Variants in ITGA11 observed in about 807,000 individuals in gnomAD.
ITGA11 encodes integrin subunit alpha 11, also known as integrin alpha-11.
Under a neutral mutation model 141.9 loss-of-function variants are expected in ITGA11, and 97 were observed. The ratio of observed to expected loss-of-function variants is 0.68; its 90% CI spans 0.58 to 0.81. The LOEUF is 0.81. ITGA11 is among the 30% of genes least tolerant of loss of function. The pLI is 0.00. For synonymous variants in ITGA11, 658 were observed against 624.6 expected, an observed-to-expected ratio of 1.05 and a Z score of -0.80; for missense variants, 1,387 against 1,559.2, an observed-to-expected ratio of 0.89 and a Z score of 1.86.
intron 6 of ITGA11, among the ~76,000 whole-genome samples, chr15:68,357,900 A>G (rs1895119716): frequency 6.6e-6 from 1 of 152,198 alleles, no homozygotes; most frequent in Non-Finnish European, 1.5e-5. Context: ...TGGGGAACTC[A>G]TTACTTCATG....
intron 2 of ITGA11, among the ~76,000 whole-genome samples, chr15:68,395,448 G>T (rs1407943096): frequency 2.0e-5 from 3 of 151,342 alleles, no homozygotes; most frequent in Admixed American, 6.6e-5. Flanking sequence ...TTAGATGAGA[G>T]GCTAACTAGA....
chr15:68,361,151 C>T (rs569258272), intron 5 of ITGA11, among the ~76,000 whole-genome samples: 3 of 152,148 alleles, frequency 2.0e-5, no homozygotes, highest in Non-Finnish European at 4.4e-5. Context: ...GAACTACTAC[C>T]AAGGAGATTT....
In ITGA11 at chr15:68,304,788, A is replaced by C. The variant is rs1006344092; in HGVS notation, c.3382-903T>G. ...CTCCGCGCTGCTCAGGCCAGAAGCC[A>C]TGTATCCATCACTGACCCTAACTCT... On this transcript the variant is annotated intron_variant, in intron 28 of 29. Transcript: ENST00000315757. This position sits in a 1 kb window ranked among gnomAD's most constrained non-coding sequence, Gnocchi z 6.1. Among the ~76,000 whole-genome samples, 17 of 152,184 alleles carry C rather than the reference A, an allele frequency of 1.1e-4. No homozygotes were observed. The highest frequency in any genetic ancestry group is 1.9e-4 in the Non-Finnish European group (13 of 68,032).
In ITGA11 at chr15:68,364,736, C is replaced by T. The variant is rs199683877; in HGVS notation, c.328G>A (p.Ala110Thr). The change falls in exon 4 of 30, where the codon GCC becomes ACC. Residue 110 changes from alanine to threonine, a missense_variant. Transcript: ENST00000315757. The stretch of plus-strand genomic sequence containing the variant: ...AAGCTGTTGTCCTTGGGGTTGGTGG[C>T]GAGACTAAGGCCGAGGCGCATGTTG... ...KDNMRLGLSL[A>T]TNPKDNSFLA... is the part of the protein sequence containing the mutation. 163 of 1,521,702 alleles carry T rather than the reference C, an allele frequency of 1.1e-4. No homozygotes were observed. The highest frequency in any genetic ancestry group is 5.4e-4 in the Middle Eastern group (3 of 5,568). 94.3% of individuals were successfully genotyped at this position (1,521,702 alleles called of 1,614,324 possible).
At position 68,325,309 on chromosome 15, in the gene ITGA11, A is replaced by T. The variant is rs1418692129; in HGVS notation, c.2212-68T>A. 1.2e-5 allele frequency: 13 copies of T among 1,077,264 alleles called. No individual in the cohort carries two copies. In the East Asian group the frequency reaches 3.1e-4, roughly 26 times the overall value. The allele number at this position is 1,077,264 out of a possible 1,614,324, so 66.7% of individuals were successfully genotyped here. On this transcript the variant is annotated intron_variant, in intron 17 of 29. Transcript: ENST00000315757. This position sits in a 1 kb window ranked among gnomAD's most constrained non-coding sequence, Gnocchi z 5.5. Reference sequence around the variant, plus strand: ...GTCATTTTATGAGCCAGGACCGTGGATGCTGAGATAGAACTTCCACCTTCC... The same window carrying T: ...GTCATTTTATGAGCCAGGACCGTGGTTGCTGAGATAGAACTTCCACCTTCC...
chr15:68,341,987 C>A (rs993320505), intron 10 of ITGA11, among the ~76,000 whole-genome samples: 10 of 152,156 alleles, frequency 6.6e-5, no homozygotes, highest in Non-Finnish European at 1.2e-4. Flanking sequence ...AGTGGGAGGC[C>A]CTTTCCTGAG....
intron 7 of ITGA11, among the ~76,000 whole-genome samples, chr15:68,353,351 C>A (rs79428310): frequency 0.035 from 5,338 of 152,196 alleles, 322 homozygotes; most frequent in African/African-American, 0.12. Context: ...GAGGCACGTG[C>A]CACATGACGA....
At chr15:68,369,338 C>T (rs1250992563) in intron 2 of ITGA11, 54 bp from the exon 3 acceptor site, 1 of 987,074 alleles carries the variant, frequency 1.0e-6, no homozygotes, top group South Asian at 1.3e-5. Context: ...TCTTTCCTGG[C>T]AGAGGATGGA....
intron 1 of ITGA11, among the ~76,000 whole-genome samples, chr15:68,421,510 G>A (rs952970214): frequency 2.0e-5 from 3 of 152,300 alleles, no homozygotes; most frequent in Admixed American, 6.5e-5. Context: ...CTGCTGGGTG[G>A]GAGAGCCTCA....
chr15:68,342,256 C>T (rs993640997), intron 10 of ITGA11, among the ~76,000 whole-genome samples: 6 of 152,224 alleles, frequency 3.9e-5, no homozygotes, highest in South Asian at 4.1e-4. Flanking sequence ...CTGTGTCCCC[C>T]GCTCTGCAGG....
chr15:68,312,729 A>T lies in ITGA11; in HGVS notation c.2973+44T>A, dbSNP rs4776394. The T allele has an allele frequency of 2.8e-4, 397 of 1,443,412 alleles. 1 individual carries two copies. The highest frequency in any genetic ancestry group is 1.0e-3 in the Middle Eastern group (5 of 4,862). 89.4% of individuals were successfully genotyped at this position (1,443,412 alleles called of 1,614,324 possible). ...CCTCCCCTCCAGGATGGGGGTGCTCAGATCCCGTCCTTCCCCCTCTACCCG... is the reference window on the plus strand; with the variant it reads ...CCTCCCCTCCAGGATGGGGGTGCTCTGATCCCGTCCTTCCCCCTCTACCCG... On this transcript the variant is annotated intron_variant, in intron 24 of 29. Transcript: ENST00000315757.
intron 2 of ITGA11, among the ~76,000 whole-genome samples, chr15:68,378,595 A>G (rs1308996959): frequency 6.6e-6 from 1 of 152,208 alleles, no homozygotes; most frequent in African/African-American, 2.4e-5. Flanking sequence ...GTAAGCTATG[A>G]TCATGCCACT....
At chr15:68,334,601 A>T (rs1200939571) in intron 12 of ITGA11, among the ~76,000 whole-genome samples, 1 of 150,716 alleles carries the variant, frequency 6.6e-6, no homozygotes, top group Non-Finnish European at 1.5e-5. Flanking sequence ...GAGGGAAGAG[A>T]TGTGCCTACA....
At chr15:68,382,702 CT>C (rs1339901664) in intron 2 of ITGA11, among the ~76,000 whole-genome samples, 4 of 152,198 alleles carry the variant, frequency 2.6e-5, no homozygotes, top group African/African-American at 9.7e-5. Flanking sequence ...TTCTTCTTTC[CT>C]TTTCCCATTC....
intron 5 of ITGA11, among the ~76,000 whole-genome samples, chr15:68,360,249 G>A (rs1895198192): frequency 6.6e-6 from 1 of 152,134 alleles, no homozygotes; most frequent in Non-Finnish European, 1.5e-5. Flanking sequence ...CAGCAGTGGG[G>A]GTGACCAAGA....
intron 2 of ITGA11, among the ~76,000 whole-genome samples, chr15:68,389,783 G>A (rs1896072011): frequency 6.6e-6 from 1 of 152,166 alleles, no homozygotes; most frequent in Non-Finnish European, 1.5e-5. Flanking sequence ...CTTGCTGAGA[G>A]CTGAGGCTTC....
At chr15:68,411,007 C>T (rs776060909) in intron 1 of ITGA11, among the ~76,000 whole-genome samples, 6 of 152,210 alleles carry the variant, frequency 3.9e-5, no homozygotes, top group Non-Finnish European at 5.9e-5. Context: ...TGTGCGGTTC[C>T]GCCCCCATGG....
rs562286619 is a variant in ITGA11, at chr15:68,339,575, C to T, written c.1201G>A (p.Gly401Arg). ...GACTCGCGGAGAGGAATGACCTTCC[C>T]GGCACTCGTCTCCTTTAGCACAGCT... is the stretch of plus-strand genomic sequence containing the variant. ...NGAVLKETSAGKVIPLRESYL... is the reference protein window; with the variant it reads ...NGAVLKETSARKVIPLRESYL... The change falls in exon 11 of 30, where the codon GGG (glycine) becomes AGG (arginine). Residue 401 changes from glycine (G) to arginine (R), a missense_variant. By Grantham distance (125) the Gly-to-Arg change is moderately radical. Transcript: ENST00000315757. 164 of 1,613,948 alleles carry T rather than the reference C, an allele frequency of 1.0e-4. No individual in the cohort carries two copies. Among genetic ancestry groups the T allele is most frequent in the Non-Finnish European group, 1.2e-4 (144 of 1,179,864 alleles).
At chr15:68,334,432 T>C (rs1168588826) in intron 12 of ITGA11, among the ~76,000 whole-genome samples, 1 of 152,140 alleles carries the variant, frequency 6.6e-6, no homozygotes, top group African/African-American at 2.4e-5. Flanking sequence ...GGAACTGGGG[T>C]CTGTCTGACA....
Sources: allele counts gnomAD v4.1 joint callset (sites outside exome capture counted in the v4.1 genomes callset), GRCh38; gene constraint gnomAD v4.1.1; non-coding constraint Gnocchi (gnomAD v3.1); transcripts MANE v1.5; gene names NCBI Gene and HGNC (gene_info 2026-07-23, HGNC 2026-07-21).